Variants in LARS1 observed in about 807,000 individuals in gnomAD.
LARS1 encodes leucyl-tRNA synthetase 1, also known as leucine--tRNA ligase, cytoplasmic.
A neutral mutation model predicts 162.8 loss-of-function variants in LARS1; 100 were observed. That is an observed-to-expected ratio of 0.61 (90% CI 0.52 to 0.73). The LOEUF (loss-of-function observed/expected upper bound fraction) is 0.73. Ranked by LOEUF, LARS1 falls within the 30% of genes least tolerant of loss-of-function variation. The pLI is 0.00. For missense variants in LARS1, 1,258 were observed against 1,408.9 expected, an observed-to-expected ratio of 0.89 and a Z score of 1.71; for synonymous variants, 457 against 462.8, an observed-to-expected ratio of 0.99 and a Z score of 0.16.
At chr5:146,147,867 C>T (rs1753087995) in intron 15 of LARS1, among the ~76,000 whole-genome samples, 1 of 152,114 alleles carries the variant, frequency 6.6e-6, no homozygotes, top group Non-Finnish European at 1.5e-5. Context: ...ACACCCAAGG[C>T]AAATCATGAA....
intron 31 of LARS1, among the ~76,000 whole-genome samples, chr5:146,115,046 G>GAAAAAAAAAAAAAA: frequency 1.0e-5 from 1 of 97,634 alleles, no homozygotes; most frequent in Non-Finnish European, 2.0e-5. Flanking sequence ...CTGTCGGGGG[G>GAAAAAAAAAAAAAA]AAAAAAAAAA....
intron 10 of LARS1, among the ~76,000 whole-genome samples, chr5:146,156,445 G>A (rs1753532177): frequency 6.6e-6 from 1 of 152,132 alleles, no homozygotes. Context: ...TGTAATCCCT[G>A]CACTTTGGGA....
At chr5:146,160,353 G>T in intron 7 of LARS1, 21 bp downstream of exon 7, 1 of 1,370,998 alleles carries the variant, frequency 7.3e-7, no homozygotes, top group Non-Finnish European at 1.0e-6. Flanking sequence ...GCTTTATTAT[G>T]CTCAAGTATA....
chr5:146,152,654 T>C (rs1285223170), intron 13 of LARS1, among the ~76,000 whole-genome samples: 1 of 152,180 alleles, frequency 6.6e-6, no homozygotes, highest in African/African-American at 2.4e-5. Flanking sequence ...CCAAAAAGGT[T>C]GGGGCCTGCT....
At chr5:146,173,286 G>A (rs1271923692) in intron 2 of LARS1, among the ~76,000 whole-genome samples, 1 of 151,862 alleles carries the variant, frequency 6.6e-6, no homozygotes, top group Non-Finnish European at 1.5e-5. Flanking sequence ...CTGAGAGGCA[G>A]AGGTTGCAAT....
chr5:146,143,190 T>C, intron 19 of LARS1, 106 bp from the exon 20 acceptor site: 1 of 810,164 alleles, frequency 1.2e-6, no homozygotes, highest in Non-Finnish European at 1.8e-6. Flanking sequence ...TTTCTTAATG[T>C]AGTTACAGGA....
intron 30 of LARS1, among the ~76,000 whole-genome samples, chr5:146,120,802 T>C (rs1253609232): frequency 6.6e-6 from 1 of 152,212 alleles, no homozygotes; most frequent in Admixed American, 6.5e-5. Context: ...TTAGGCATTG[T>C]ACTAAGCACT....
rs1363569115 is a variant in LARS1, at chr5:146,182,612, C to G, written c.-119G>C. 1.5e-6 allele frequency: 2 copies of G among 1,294,458 alleles called. No individual in the cohort carries two copies. The highest frequency in any genetic ancestry group is 2.9e-5 in the African/African-American group (2 of 68,684). The allele number at this position is 1,294,458 out of a possible 1,614,324, so 80.2% of individuals were successfully genotyped here. ...AGGCCTCCCACGAAACTAAAGCACA[C>G]GCTTCACACCTGCTGAGGCAATCAT... On this transcript the variant is annotated 5_prime_UTR_variant, in exon 1 of 32. Transcript: ENST00000394434.
At chr5:146,150,806 G>A (rs920723955) in intron 14 of LARS1, among the ~76,000 whole-genome samples, 2 of 151,652 alleles carry the variant, frequency 1.3e-5, no homozygotes, top group Non-Finnish European at 2.9e-5. Context: ...GGTCATGGTG[G>A]CACGTGCCTG....
intron 22 of LARS1, 130 bp downstream of exon 22, chr5:146,135,471 G>C (rs1156573215): frequency 1.6e-6 from 1 of 640,240 alleles, no homozygotes; most frequent in Non-Finnish European, 2.7e-6. Flanking sequence ...ATCCACAAAG[G>C]AAACATTAAG....
At chr5:146,157,689 G>GT in intron 9 of LARS1, 39 bp downstream of exon 9, 9 of 1,611,916 alleles carry the variant, frequency 5.6e-6, no homozygotes, top group Non-Finnish European at 7.6e-6. Context: ...ACTATCTGAT[G>GT]GTTCAGAAAT....
chr5:146,155,134 G>C (rs1404335541), intron 10 of LARS1, among the ~76,000 whole-genome samples: 1 of 152,084 alleles, frequency 6.6e-6, no homozygotes, highest in African/African-American at 2.4e-5. Flanking sequence ...TTACAGGCAT[G>C]AGCCACCGTG....
At chr5:146,179,651 C>T (rs13171596) in intron 1 of LARS1, 106,549 of 432,600 alleles carry the variant, frequency 0.25, 15,630 homozygotes, top group Admixed American at 0.4. Context: ...CAGGCTGGAG[C>T]ATAATGGTGC....
At chr5:146,176,462 AAAAAAG>A (rs1754582571) in intron 2 of LARS1, among the ~76,000 whole-genome samples, 1 of 151,730 alleles carries the variant, frequency 6.6e-6, no homozygotes, top group Non-Finnish European at 1.5e-5. Flanking sequence ...AAAAAAAAAA[AAAAAAG>A]AAAGAAAGAA....
rs769361368 is a variant in LARS1 at position 146,152,013 on chromosome 5, C to T, written c.1285-11G>A. On this transcript the variant is annotated splice_polypyrimidine_tract_variant and intron_variant, in intron 13 of 31. Transcript: ENST00000394434. ...TTCAATGACTGGCACCTGCAGCAAA[C>T]AGCAATCAGGAACGTGTTCACACTG... 12 of 1,613,404 alleles carry T rather than the reference C, an allele frequency of 7.4e-6. No individual in the cohort carries two copies. Among genetic ancestry groups the T allele is most frequent in the African/African-American group, 1.3e-5 (1 of 74,912 alleles).
intron 20 of LARS1, among the ~76,000 whole-genome samples, chr5:146,142,615 A>T (rs1752833103): frequency 6.6e-6 from 1 of 152,210 alleles, no homozygotes; most frequent in South Asian, 2.1e-4. Context: ...TGCATTTAAC[A>T]GGTCAAATGA....
At chr5:146,160,091 G>C (rs1244491943) in intron 7 of LARS1, among the ~76,000 whole-genome samples, 1 of 152,094 alleles carries the variant, frequency 6.6e-6, no homozygotes, top group African/African-American at 2.4e-5. Context: ...AACCTGAAAG[G>C]TAATGGGAAA....
chr5:146,130,193 C>A, intron 24 of LARS1, 35 bp from the exon 25 acceptor site: 1 of 1,592,844 alleles, frequency 6.3e-7, no homozygotes, highest in South Asian at 1.1e-5. Flanking sequence ...ATTTCCCTCA[C>A]CTTCTTTAAA....
Position 146,139,872 on chromosome 5 carries a change from CAAAAAA to C in LARS1, c.2148+326_2148+331del, listed in dbSNP as rs34203668. ...TGTGGGAGACAGCGAGACTCCGTCTCAAAAAAAAAAAAAAAAAAAAAAAAATTAATT... is the reference window on the plus strand; with the variant it reads ...TGTGGGAGACAGCGAGACTCCGTCTCAAAAAAAAAAAAAAAAAAATTAATT... On this transcript the variant is annotated intron_variant, in intron 21 of 31. Coordinates refer to ENST00000394434, the MANE Select transcript of LARS1 (RefSeq NM_020117.11). Among the ~76,000 whole-genome samples, 8 of 83,374 alleles carry C rather than the reference CAAAAAA, an allele frequency of 9.6e-5. No individual in the cohort carries two copies. The East Asian group carries it at 1.1e-3, about 11-fold the overall frequency. The allele number at this position is 83,374 out of a possible 152,430, so 54.7% of individuals were successfully genotyped here. A position where few individuals can be genotyped will look rare whatever the true frequency, so the allele number is the denominator to read the frequency against.
Sources: allele counts gnomAD v4.1 joint callset (sites outside exome capture counted in the v4.1 genomes callset), GRCh38; gene constraint gnomAD v4.1.1; transcripts MANE v1.5; gene names NCBI Gene and HGNC (gene_info 2026-07-23, HGNC 2026-07-21).